Variants in SAMD3 observed in about 807,000 individuals in gnomAD.
SAMD3 encodes sterile alpha motif domain-containing protein 3.
A neutral mutation model predicts 58.5 loss-of-function variants in SAMD3; 63 were observed. That is an observed-to-expected ratio of 1.08 (90% CI 0.88 to 1.33). SAMD3 has a LOEUF of 1.33. Among genes scored for constraint, SAMD3 ranks in the 40% most tolerant of loss-of-function variants. The pLI, the probability that SAMD3 is intolerant of heterozygous loss-of-function variation, is 0.00. For synonymous variants in SAMD3, 220 were observed against 210.3 expected (o/e 1.05, Z -0.40); for missense variants, 604 against 608.4 (o/e 0.99, Z 0.08).
chr6:130,331,848 G>C (rs1776944605), intron 1 of SAMD3, among the ~76,000 whole-genome samples: 1 of 152,164 alleles, frequency 6.6e-6, no homozygotes, highest in African/African-American at 2.4e-5. Flanking sequence ...ACTTTACATA[G>C]CATGGTGAGG....
intron 4 of SAMD3, among the ~76,000 whole-genome samples, chr6:130,211,987 G>A (rs535384197): frequency 4.6e-5 from 7 of 151,056 alleles, no homozygotes; most frequent in Non-Finnish European, 1.0e-4. Flanking sequence ...TACAGTTGAA[G>A]AAGCTAAAAC....
At chr6:130,212,525 A>T (rs1795663413) in intron 4 of SAMD3, among the ~76,000 whole-genome samples, 1 of 152,226 alleles carries the variant, frequency 6.6e-6, no homozygotes, top group African/African-American at 2.4e-5. Flanking sequence ...TTGCTCAAAG[A>T]CTGTGATACT....
chr6:130,212,530 G>A (rs1487933909), intron 4 of SAMD3, among the ~76,000 whole-genome samples: 1 of 152,214 alleles, frequency 6.6e-6, no homozygotes, highest in Non-Finnish European at 1.5e-5. Context: ...CAAAGACTGT[G>A]ATACTCCTAA....
intron 1 of SAMD3, among the ~76,000 whole-genome samples, chr6:130,363,666 A>C (rs1170357996): frequency 6.6e-6 from 1 of 152,200 alleles, no homozygotes; most frequent in African/African-American, 2.4e-5. Context: ...GGATGGGAGA[A>C]ATGAGGTACC....
intron 2 of SAMD3, among the ~76,000 whole-genome samples, chr6:130,252,217 C>G (rs1459015627): frequency 6.6e-6 from 1 of 152,154 alleles, no homozygotes; most frequent in Non-Finnish European, 1.5e-5. Flanking sequence ...GCCACCCCAG[C>G]TCTCCTTGAT....
exon 1 of SAMD3, chr6:130,365,413 G>C: frequency 3.0e-6 from 3 of 985,474 alleles, no homozygotes; most frequent in Non-Finnish European, 3.6e-6. Flanking sequence ...AGCGGGCCTT[G>C]GCCGCGTCTT....
At chr6:130,173,944 T>C (rs1582792192) in intron 8 of SAMD3, among the ~76,000 whole-genome samples, 1 of 152,140 alleles carries the variant, frequency 6.6e-6, no homozygotes, top group Non-Finnish European at 1.5e-5. Flanking sequence ...CTTTGCTGTG[T>C]CCAGCCCAGA....
chr6:130,206,917 G>A (rs1191261135), intron 5 of SAMD3, among the ~76,000 whole-genome samples: 2 of 151,998 alleles, frequency 1.3e-5, no homozygotes, highest in Non-Finnish European at 2.9e-5. Context: ...GCATGATGAG[G>A]ACAAAATGTC....
chr6:130,265,085 A>C (rs144504331), intron 2 of SAMD3, among the ~76,000 whole-genome samples: 3,463 of 152,328 alleles, frequency 0.023, 67 homozygotes, highest in Non-Finnish European at 0.034. Context: ...ATACCAAAGG[A>C]CATCATTAGC....
intron 1 of SAMD3, among the ~76,000 whole-genome samples, chr6:130,363,546 G>A (rs1360366603): frequency 6.6e-6 from 1 of 152,082 alleles, no homozygotes; most frequent in Non-Finnish European, 1.5e-5. Context: ...GTGTATATAT[G>A]TTCAATCACA....
chr6:130,220,138 AT>A (rs1796157584), intron 1 of SAMD3, among the ~76,000 whole-genome samples: 1 of 152,124 alleles, frequency 6.6e-6, no homozygotes, highest in African/African-American at 2.4e-5. Flanking sequence ...AGTAGCTGGG[AT>A]TACAGACGCG....
intron 5 of SAMD3, among the ~76,000 whole-genome samples, chr6:130,188,264 G>A (rs961114991): frequency 2.6e-5 from 4 of 152,204 alleles, no homozygotes; most frequent in Admixed American, 1.3e-4. Flanking sequence ...GGGCTCAGGT[G>A]AGCACCAGCT....
chr6:130,282,510 G>T (rs1382269897), intron 2 of SAMD3, among the ~76,000 whole-genome samples: 1 of 152,158 alleles, frequency 6.6e-6, no homozygotes, highest in Non-Finnish European at 1.5e-5. Context: ...GAGGCTTAGA[G>T]TTTAAAATCC....
At chr6:130,207,042 C>T (rs34982385) in intron 5 of SAMD3, among the ~76,000 whole-genome samples, 3,187 of 151,494 alleles carry the variant, frequency 0.021, 48 homozygotes, top group Non-Finnish European at 0.027. Context: ...TCAGCTACTC[C>T]AAAGGCTAAG....
At chr6:130,204,765 C>CTTT (rs112982780) in intron 5 of SAMD3, among the ~76,000 whole-genome samples, 1 of 126,708 alleles carries the variant, frequency 7.9e-6, no homozygotes, top group Non-Finnish European at 1.6e-5. Flanking sequence ...ATTTCCAGGC[C>CTTT]TTTTTTTTTT....
At position 130,144,693 on chromosome 6, in the gene SAMD3, T is replaced by C; in HGVS notation, c.1390A>G (p.Thr464Ala). The part of the protein sequence containing the change: ...ERLTKVDDCV[T>A]ALAALVAAFH... ...GCAGCTACTAGCGCAGCCAAGGCTGTAACACAGTCGTCCACCTTTGTGAGC... is the reference window on the plus strand; with the variant it reads ...GCAGCTACTAGCGCAGCCAAGGCTGCAACACAGTCGTCCACCTTTGTGAGC... Residue 464 changes from threonine to alanine, a missense_variant, in exon 12 of 12, where the codon ACA becomes GCA. Thr to Ala is a moderately conservative substitution (Grantham distance 58). Coordinates refer to ENST00000439090, the MANE Select transcript of SAMD3 (RefSeq NM_001017373.4). 6.2e-7 allele frequency: 1 copy of C among 1,614,068 alleles called. No homozygotes were observed. The highest frequency in any genetic ancestry group is 1.3e-5 in the African/African-American group (1 of 75,074).
chr6:130,316,316 G>A (rs1311390039), intron 1 of SAMD3, among the ~76,000 whole-genome samples: 4 of 147,476 alleles, frequency 2.7e-5, no homozygotes, highest in African/African-American at 7.5e-5. Context: ...AAAAAAGAAT[G>A]GAATATTAGG....
intron 1 of SAMD3, among the ~76,000 whole-genome samples, chr6:130,361,159 G>A (rs534801082): frequency 1.3e-5 from 2 of 152,226 alleles, no homozygotes; most frequent in East Asian, 3.9e-4. Flanking sequence ...ACAGGCATAG[G>A]AAATCACAAG....
chr6:130,170,537 C>A (rs1215162533), intron 8 of SAMD3, among the ~76,000 whole-genome samples: 7 of 152,234 alleles, frequency 4.6e-5, no homozygotes, highest in Admixed American at 2.0e-4. Flanking sequence ...TTACTTTAGG[C>A]AGTATGGCCA....
Sources: gnomAD v4.1 joint callset for allele counts (sites outside exome capture counted in the v4.1 genomes callset) on GRCh38, gnomAD v4.1.1 for gene constraint, MANE v1.5 for transcripts, NCBI Gene and HGNC (gene_info 2026-07-23, HGNC 2026-07-21) for gene names.